EPHA5: variants seen among roughly 807,000 people sequenced by gnomAD.
EPHA5 encodes ephrin type-A receptor 5.
EPHA5 carries 60 observed loss-of-function variants against 105.0 expected under a neutral mutation model. The ratio of observed to expected loss-of-function variants is 0.57; its 90% confidence interval spans 0.46 to 0.71. EPHA5 has a LOEUF of 0.71. Ranked by LOEUF, EPHA5 falls within the 30% of genes least tolerant of loss-of-function variation. The probability of loss-of-function intolerance (pLI) is 0.00; values close to 1 mark genes in which losing one functional copy is unlikely to be tolerated. For synonymous variants in EPHA5, 513 were observed against 449.1 expected (o/e 1.14, Z -1.80); for missense variants, 1,218 against 1,274.7 (o/e 0.96, Z 0.68).
intron 2 of EPHA5, among the ~76,000 whole-genome samples, chr4:65,615,372 C>T (rs374028472): frequency 2.5e-4 from 38 of 151,660 alleles, no homozygotes; most frequent in African/African-American, 8.0e-4. Context: ...AAAGCTAAAA[C>T]ATTTTTGAAA....
rs550389867 is a variant in EPHA5, at chr4:65,429,570, A to C, written c.1403-9005T>G. Among the ~76,000 whole-genome samples, 198 of 152,182 alleles carry C rather than the reference A, an allele frequency of 1.3e-3. 1 individual carries two copies. Among genetic ancestry groups the C allele is most frequent in the African/African-American group, 4.5e-3 (187 of 41,568 alleles). ...ATCAAGCATTTTTAAAAGCAAAACA[A>C]ACACATCATAAATATAGAGAACCTA... On this transcript the variant is annotated intron_variant, in intron 5 of 16. Coordinates refer to ENST00000613740, the MANE Select transcript of EPHA5 (RefSeq NM_001281766.3).
intron 3 of EPHA5, among the ~76,000 whole-genome samples, chr4:65,542,322 T>G (rs904297808): frequency 2.0e-5 from 3 of 151,320 alleles, no homozygotes; most frequent in Non-Finnish European, 4.4e-5. Context: ...ATTAATAAAA[T>G]AGATAATCCA....
chr4:65,601,595 C>T (rs1743727431), intron 3 of EPHA5, 46 bp downstream of exon 3: 1 of 1,557,980 alleles, frequency 6.4e-7, no homozygotes, highest in East Asian at 2.3e-5. Context: ...TATACATGAT[C>T]CAACTGAAGC....
At chr4:65,629,324 G>A (rs1488226799) in intron 2 of EPHA5, among the ~76,000 whole-genome samples, 1 of 152,144 alleles carries the variant, frequency 6.6e-6, no homozygotes, top group African/African-American at 2.4e-5. Context: ...GATGTTATTA[G>A]TTTTTTGCCT....
At chr4:65,347,576 TA>T (rs1722339924) in intron 14 of EPHA5, among the ~76,000 whole-genome samples, 1 of 152,206 alleles carries the variant, frequency 6.6e-6, no homozygotes, top group African/African-American at 2.4e-5. Flanking sequence ...TCAAGTTAAA[TA>T]AACAATACAA....
intron 13 of EPHA5, among the ~76,000 whole-genome samples, chr4:65,351,097 A>G (rs1474264364): frequency 6.6e-6 from 1 of 151,938 alleles, no homozygotes; most frequent in East Asian, 1.9e-4. Flanking sequence ...TTTGAAATTT[A>G]AGATGATTAT....
In EPHA5 at chr4:65,467,845, G is replaced by A. The variant is rs564512063; in HGVS notation, c.1402+22532C>T. ...TGTAATAACAAGGGTAAAAAGAAGT[G>A]AAGAGGGGGGCTGAAGATGAGGTCA... On this transcript the variant is annotated intron_variant, in intron 5 of 16. Coordinates refer to ENST00000613740, the MANE Select transcript of EPHA5 (RefSeq NM_001281766.3). Among the ~76,000 whole-genome samples the A allele has an allele frequency of 2.0e-5, 3 of 152,250 alleles. No homozygotes were observed. In the East Asian group the frequency reaches 5.8e-4, roughly 29 times the overall value.
chr4:65,368,382 A>AT (rs1718132367), intron 8 of EPHA5, among the ~76,000 whole-genome samples: 2 of 152,174 alleles, frequency 1.3e-5, no homozygotes, highest in East Asian at 3.9e-4. Context: ...AAATCAGTGC[A>AT]TTTTTCTTTA....
intron 3 of EPHA5, among the ~76,000 whole-genome samples, chr4:65,526,770 G>A (rs371276982): frequency 7.0e-4 from 107 of 151,992 alleles, no homozygotes; most frequent in African/African-American, 2.6e-3. Flanking sequence ...TGCATGGAAT[G>A]GCTACAAGGT....
intron 11 of EPHA5, among the ~76,000 whole-genome samples, chr4:65,358,513 G>GGATA (rs910767207): frequency 1.3e-4 from 20 of 151,442 alleles, no homozygotes; most frequent in African/African-American, 4.8e-4. Flanking sequence ...AAGAAACTTA[G>GGATA]GATAACACAA....
chr4:65,361,089 C>A (rs1402746749), intron 11 of EPHA5, among the ~76,000 whole-genome samples: 1 of 151,548 alleles, frequency 6.6e-6, no homozygotes, highest in East Asian at 1.9e-4. Context: ...CACAAGTGAG[C>A]AAAACAAAAA....
rs1200964751 is a variant in EPHA5 at position 65,414,373 on chromosome 4, G to A, written c.1598C>T (p.Ala533Val). The A allele has an allele frequency of 6.2e-7, 1 of 1,613,992 alleles. No individual in the cohort carries two copies. The highest frequency in any genetic ancestry group is 1.1e-5 in the South Asian group (1 of 91,074). ...TTITAEGLKP[A>V]SVYVFQIRAR... ...TCGAATTTGGAAGACATAAACTGAA[G>A]CTGGTTTCAAGCCCTCTGCAGTAAT... is the stretch of plus-strand genomic sequence containing the variant. Residue 533 changes from alanine to valine, a missense_variant, in exon 7 of 17, where the codon GCT becomes GTT. Ala to Val is a moderately conservative substitution (Grantham distance 64). This residue lies in a region of EPHA5 where 971 missense variants were observed against 1,013.5 expected (regional missense o/e 0.96). Coordinates refer to ENST00000613740, the MANE Select transcript of EPHA5 (RefSeq NM_001281766.3).
chr4:65,468,708 A>T (rs1729002902), intron 5 of EPHA5, among the ~76,000 whole-genome samples: 1 of 143,698 alleles, frequency 7.0e-6, no homozygotes. Context: ...TATATATATA[A>T]AACAAGGTTT....
intron 8 of EPHA5, chr4:65,377,033 A>G (rs2148920019): frequency 8.1e-6 from 13 of 1,609,656 alleles, no homozygotes; most frequent in Non-Finnish European, 1.1e-5. Flanking sequence ...CGCACAGGGA[A>G]GAAGCCCTCC....
At chr4:65,578,399 A>G (rs1445346193) in intron 3 of EPHA5, among the ~76,000 whole-genome samples, 1 of 152,118 alleles carries the variant, frequency 6.6e-6, no homozygotes, top group Non-Finnish European at 1.5e-5. Context: ...GTGGAGGAAA[A>G]GGATATAGGA....
chr4:65,491,903 T>C (rs545703112), intron 4 of EPHA5, among the ~76,000 whole-genome samples: 1 of 152,260 alleles, frequency 6.6e-6, no homozygotes, highest in East Asian at 1.9e-4. Context: ...AAAACTTCAG[T>C]CAGCTGTTAA....
intron 7 of EPHA5, among the ~76,000 whole-genome samples, chr4:65,408,538 CA>C (rs1159978434): frequency 9.0e-5 from 13 of 144,364 alleles, no homozygotes; most frequent in African/African-American, 3.1e-4. Context: ...AGGACATGAA[CA>C]GACACTTCTC....
At chr4:65,439,851 T>A (rs942272840) in intron 5 of EPHA5, among the ~76,000 whole-genome samples, 1 of 152,154 alleles carries the variant, frequency 6.6e-6, no homozygotes, top group Non-Finnish European at 1.5e-5. Context: ...TTTAATTGAT[T>A]TAGATAAACT....
At chr4:65,376,406 C>G (rs1005008801) in intron 8 of EPHA5, among the ~76,000 whole-genome samples, 4 of 151,928 alleles carry the variant, frequency 2.6e-5, no homozygotes, top group African/African-American at 9.7e-5. Context: ...TAAGAGTATG[C>G]CATTTGGGCA....
Sources: gnomAD v4.1 joint callset for allele counts (sites outside exome capture counted in the v4.1 genomes callset) on GRCh38, gnomAD v4.1.1 for gene constraint, gnomAD v4.1.1 regional missense constraint, MANE v1.5 for transcripts, NCBI Gene and HGNC (gene_info 2026-07-23, HGNC 2026-07-21) for gene names.